Variants in WDR82 observed in about 807,000 individuals in gnomAD.
WDR82 encodes the protein WD repeat-containing protein 82.
A neutral mutation model predicts 36.1 loss-of-function variants in WDR82; 8 were observed. The ratio of observed to expected loss-of-function variants is 0.22; its 90% CI spans 0.13 to 0.40. The LOEUF is 0.40. Among genes scored for constraint, WDR82 ranks in the 10% least tolerant of loss-of-function variants. WDR82 has a pLI of 1.00. For missense variants in WDR82, 185 were observed against 400.5 expected, an observed-to-expected ratio of 0.46 and a Z score of 4.59; for synonymous variants, 129 against 137.8, an observed-to-expected ratio of 0.94 and a Z score of 0.45.
At chr3:52,265,298 T>C (rs894011757) in intron 3 of WDR82, among the ~76,000 whole-genome samples, 2 of 14,924 alleles carry the variant, frequency 1.3e-4, no homozygotes, top group Non-Finnish European at 2.4e-4. Flanking sequence ...AGACTCTGTC[T>C]CAAAAAAAAA....
chr3:52,260,258 G>A, intron 5 of WDR82, 127 bp downstream of exon 5: 2 of 607,704 alleles, frequency 3.3e-6, no homozygotes. Flanking sequence ...GAACCTGGGA[G>A]GCAGAGGTTG....
Position 52,278,445 on chromosome 3 carries a change from AGGCGGGGCGGGCGCCGCGCC to A in WDR82, c.-104_-85del. On this transcript the variant is annotated 5_prime_UTR_variant, in exon 1 of 9. Transcript: ENST00000296490. ...GGGCGGGCTGCCGAGGGGCCAACCC[AGGCGGGGCGGGCGCCGCGCC>A]GGCGGCTAGCGGGAAGTCGGCCAAC... 8.8e-7 allele frequency: 1 copy of A among 1,137,408 alleles called. No individual in the cohort carries two copies. The highest frequency in any genetic ancestry group is 1.1e-6 in the Non-Finnish European group (1 of 920,780). The allele number at this position is 1,137,408 out of a possible 1,614,324, so 70.5% of individuals were successfully genotyped here. A position where few individuals can be genotyped will look rare whatever the true frequency, so the allele number is the denominator to read the frequency against.
intron 2 of WDR82, among the ~76,000 whole-genome samples, chr3:52,268,521 T>G (rs1217480140): frequency 2.0e-5 from 3 of 152,114 alleles, no homozygotes; most frequent in Non-Finnish European, 2.9e-5. Context: ...ATTTAATCAC[T>G]CAGAAAAACA....
chr3:52,269,101 C>T (rs148900478), intron 2 of WDR82, among the ~76,000 whole-genome samples: 1 of 152,260 alleles, frequency 6.6e-6, no homozygotes, highest in East Asian at 1.9e-4. Flanking sequence ...AGGCATGAGC[C>T]ACTATGTAGC....
At chr3:52,273,183 GC>G (rs756617969) in intron 1 of WDR82, among the ~76,000 whole-genome samples, 1 of 152,270 alleles carries the variant, frequency 6.6e-6, no homozygotes, top group Non-Finnish European at 1.5e-5. Flanking sequence ...GTAATCTCAG[GC>G]TTTGGGAAGC....
rs1700111365 is a variant in WDR82 at position 52,266,933 on chromosome 3, T to C, written c.326+19A>G. 1.2e-6 allele frequency: 2 copies of C among 1,600,286 alleles called. No individual in the cohort carries two copies. The highest frequency in any genetic ancestry group is 1.3e-5 in the African/African-American group (1 of 74,576). On this transcript the variant is annotated intron_variant, in intron 3 of 8. Coordinates refer to ENST00000296490, the MANE Select transcript of WDR82 (RefSeq NM_025222.4). The stretch of plus-strand genomic sequence containing the variant: ...CAGGGATAAAAGAACTATCTGCTTC[T>C]ATAATACGTGGGTCTTACCTTTTGC...
intron 7 of WDR82, among the ~76,000 whole-genome samples, 182 bp downstream of exon 7, chr3:52,259,015 A>C (rs1181661068): frequency 6.6e-6 from 1 of 152,248 alleles, no homozygotes; most frequent in Non-Finnish European, 1.5e-5. Flanking sequence ...GTGCTTGTGG[A>C]GTTTAACTCA....
At chr3:52,270,000 C>T (rs1300661597) in intron 2 of WDR82, among the ~76,000 whole-genome samples, 1 of 152,118 alleles carries the variant, frequency 6.6e-6, no homozygotes, top group Admixed American at 6.5e-5. Context: ...TTCTAACTTC[C>T]CTTAAACTAT....
At chr3:52,267,823 G>A (rs1438932237) in intron 2 of WDR82, 1 of 152,944 alleles carries the variant, frequency 6.5e-6, no homozygotes, top group Non-Finnish European at 1.5e-5. Context: ...GAATAAAACT[G>A]CAAAATAGAA....
intron 3 of WDR82, among the ~76,000 whole-genome samples, chr3:52,265,667 G>T (rs1183558414): frequency 1.3e-5 from 2 of 149,612 alleles, no homozygotes; most frequent in Non-Finnish European, 3.0e-5. Flanking sequence ...CCTCTGTCTC[G>T]CGGGTTCAAG....
intron 1 of WDR82, among the ~76,000 whole-genome samples, chr3:52,273,431 T>TA (rs879916843): frequency 7.1e-4 from 92 of 129,836 alleles, no homozygotes; most frequent in East Asian, 1.6e-3. Flanking sequence ...AACTCCGTCT[T>TA]AAAAAAAAAA....
At position 52,259,813 on chromosome 3, in the gene WDR82, T is replaced by C. The variant is rs1700044804; in HGVS notation, c.603A>G (p.Lys201=). 1 of 1,614,174 alleles carries C rather than the reference T, an allele frequency of 6.2e-7. No individual in the cohort carries two copies. Among genetic ancestry groups the C allele is most frequent in the Non-Finnish European group, 8.5e-7 (1 of 1,180,018 alleles). The stretch of plus-strand genomic sequence containing the variant: ...GGATGAGCTTGCCATCATTGCTGAA[T>C]TTAAGTCCTGTCCACTCACAAGTTC... ...YDRTCEWTGL[K]FSNDGKLILI... The change falls in exon 6 of 9, where the codon AAA becomes AAG. Residue 201 remains lysine (K), a synonymous_variant. Transcript: ENST00000296490.
rs905940763 is a variant in WDR82, at chr3:52,254,621, A to G, written c.*2869T>C. On this transcript the variant is annotated 3_prime_UTR_variant, in exon 9 of 9. Coordinates refer to ENST00000296490, the MANE Select transcript of WDR82 (RefSeq NM_025222.4). ...TTGGGTGGCAAACTTGATTCTTTCT[A>G]AAATTCCCATATTTTCCTTAATAAG... 2.6e-5 allele frequency: 4 copies of G among 152,646 alleles called. No homozygotes were observed. The highest frequency in any genetic ancestry group is 5.9e-5 in the Non-Finnish European group (4 of 68,038). The allele number at this position is 152,646 out of a possible 1,614,324, so 9.5% of individuals were successfully genotyped here. A position where few individuals can be genotyped will look rare whatever the true frequency, so the allele number is the denominator to read the frequency against.
chr3:52,262,313 G>A (rs1298971425), intron 3 of WDR82, among the ~76,000 whole-genome samples: 1 of 152,216 alleles, frequency 6.6e-6, no homozygotes, highest in African/African-American at 2.4e-5. Context: ...GAAGTTAGAT[G>A]ATGGTGATAG....
At chr3:52,275,443 G>A (rs1214527598) in intron 1 of WDR82, among the ~76,000 whole-genome samples, 2 of 152,050 alleles carry the variant, frequency 1.3e-5, no homozygotes, top group African/African-American at 4.8e-5. Context: ...TAACTACCAG[G>A]CCACTCCTTC....
rs936877438 is a variant in WDR82 at position 52,256,811 on chromosome 3, C to T, written c.*679G>A. The T allele has an allele frequency of 6.5e-6, 1 of 152,850 alleles. No homozygotes were observed. The highest frequency in any genetic ancestry group is 1.5e-5 in the Non-Finnish European group (1 of 68,140). 9.5% of individuals were successfully genotyped at this position (152,850 alleles called of 1,614,324 possible). A position where few individuals can be genotyped will look rare whatever the true frequency, so the allele number is the denominator to read the frequency against. On this transcript the variant is annotated 3_prime_UTR_variant, in exon 9 of 9. Coordinates refer to ENST00000296490, the MANE Select transcript of WDR82 (RefSeq NM_025222.4). Reference sequence around the variant, plus strand: ...CTCCCCTTTCCCTCCCTTTCAGGCCCTTGGGTCTTTTTCCCACCCAACACC... The same window carrying T: ...CTCCCCTTTCCCTCCCTTTCAGGCCTTTGGGTCTTTTTCCCACCCAACACC...
At position 52,254,862 on chromosome 3, in the gene WDR82, A is replaced by G. The variant is rs117345033; in HGVS notation, c.*2628T>C. On this transcript the variant is annotated 3_prime_UTR_variant, in exon 9 of 9. Coordinates refer to ENST00000296490, the MANE Select transcript of WDR82 (RefSeq NM_025222.4). ...GCATCTCTTCCACTCGCTTCCAGCT[A>G]TATCTTTTCCCTTTCCTTCTTAATT... 2.8e-3 allele frequency: 426 copies of G among 152,150 alleles called. 6 individuals carry two copies. The East Asian group carries it at 0.06, about 21-fold the overall frequency. The allele number at this position is 152,150 out of a possible 1,614,324, so 9.4% of individuals were successfully genotyped here.
At chr3:52,260,004 C>G in intron 5 of WDR82, 132 bp from the exon 6 acceptor site, 1 of 1,159,056 alleles carries the variant, frequency 8.6e-7, no homozygotes, top group Non-Finnish European at 1.2e-6. Context: ...CTGCCACTCT[C>G]TAATATCTAC....
chr3:52,260,528 C>T, intron 4 of WDR82, 27 bp from the exon 5 acceptor site: 1 of 1,479,538 alleles, frequency 6.8e-7, no homozygotes, highest in Non-Finnish European at 9.1e-7. Context: ...AAGAAATACA[C>T]TAAAACACAC....
Sources: allele counts gnomAD v4.1 joint callset (sites outside exome capture counted in the v4.1 genomes callset), GRCh38; gene constraint gnomAD v4.1.1; transcripts MANE v1.5; gene names NCBI Gene and HGNC (gene_info 2026-07-23, HGNC 2026-07-21).